The following ASAP1 variants were observed in gnomAD, a reference collection of about 807,000 sequenced individuals.
ASAP1 encodes the protein arf-GAP with SH3 domain, ANK repeat and PH domain-containing protein 1.
A neutral mutation model predicts 145.2 loss-of-function variants in ASAP1; 43 were observed. The ratio of observed to expected loss-of-function variants is 0.30; its 90% CI spans 0.23 to 0.38. The LOEUF (loss-of-function observed/expected upper bound fraction) is 0.38, where lower values mean the gene tolerates loss of function less well. ASAP1 is among the 10% of genes least tolerant of loss of function. ASAP1 has a pLI of 1.00. For synonymous variants in ASAP1, 546 were observed against 515.5 expected (o/e 1.06, Z -0.80); for missense variants, 1,018 against 1,355.3 (o/e 0.75, Z 3.91).
In ASAP1 at chr8:130,241,185, C is replaced by T. The variant is rs186211774; in HGVS notation, c.187-4191G>A. Among the ~76,000 whole-genome samples the T allele has an allele frequency of 1.2e-3, 181 of 152,206 alleles. 2 individuals are homozygous for T. Among genetic ancestry groups the T allele is most frequent in the Non-Finnish European group, 1.3e-4 (9 of 67,984 alleles). On this transcript the variant is annotated intron_variant, in intron 3 of 29. Coordinates refer to ENST00000518721, the MANE Select transcript of ASAP1 (RefSeq NM_018482.4). ...TCCCCAAAGCTCTCTGGATGACTGGCTCTTTCTTCTTACACAAGCCTCGGA... is the reference window on the plus strand; with the variant it reads ...TCCCCAAAGCTCTCTGGATGACTGGTTCTTTCTTCTTACACAAGCCTCGGA...
intron 2 of ASAP1, among the ~76,000 whole-genome samples, chr8:130,398,277 T>C (rs1828624085): frequency 6.6e-6 from 1 of 152,214 alleles, no homozygotes; most frequent in Non-Finnish European, 1.5e-5. Context: ...TTCAAGTCGC[T>C]ATCCCCTACC....
At chr8:130,059,860 T>C (rs373295136) in intron 28 of ASAP1, among the ~76,000 whole-genome samples, 67 of 152,008 alleles carry the variant, frequency 4.4e-4, no homozygotes, top group African/African-American at 1.5e-3. Context: ...GGAGGAGTGC[T>C]TGAGCCCATG....
intron 1 of ASAP1, among the ~76,000 whole-genome samples, chr8:130,420,993 C>A (rs965865237): frequency 4.6e-5 from 7 of 152,128 alleles, no homozygotes; most frequent in African/African-American, 1.7e-4. Flanking sequence ...GAATGGGTAT[C>A]GGGCTCCAAT....
At chr8:130,151,046 C>A (rs2097645192) in intron 13 of ASAP1, among the ~76,000 whole-genome samples, 1 of 151,786 alleles carries the variant, frequency 6.6e-6, no homozygotes, top group South Asian at 2.1e-4. Context: ...ATGCCTACAC[C>A]AGAACATGGC....
At chr8:130,214,748 A>C (rs370157059) in intron 4 of ASAP1, 47 bp from the exon 5 acceptor site, 8 of 1,487,052 alleles carry the variant, frequency 5.4e-6, no homozygotes, top group Non-Finnish European at 6.3e-6. Context: ...ATTATTTGCC[A>C]CAATGAAAAG....
At chr8:130,078,339 G>A (rs974662607) in intron 26 of ASAP1, among the ~76,000 whole-genome samples, 4 of 151,806 alleles carry the variant, frequency 2.6e-5, no homozygotes, top group South Asian at 2.1e-4. Flanking sequence ...CTGTCGCCCC[G>A]GATGGAGTGC....
chr8:130,265,597 A>G (rs555299923), intron 3 of ASAP1, among the ~76,000 whole-genome samples: 55 of 147,002 alleles, frequency 3.7e-4, no homozygotes, highest in African/African-American at 1.4e-3. Context: ...AAAAAAGGTC[A>G]GGTTTGGCAG....
At chr8:130,069,231 T>C (rs1056188748) in intron 27 of ASAP1, among the ~76,000 whole-genome samples, 4 of 152,234 alleles carry the variant, frequency 2.6e-5, no homozygotes, top group Non-Finnish European at 5.9e-5. Flanking sequence ...TTGATACAGT[T>C]AAAACAAAGG....
intron 3 of ASAP1, among the ~76,000 whole-genome samples, chr8:130,240,301 C>A (rs963489098): frequency 6.6e-6 from 1 of 151,994 alleles, no homozygotes; most frequent in East Asian, 1.9e-4. Context: ...CTAGGTGACA[C>A]TTCTTTTTTT....
At chr8:130,337,609 A>G (rs1825115081) in intron 3 of ASAP1, among the ~76,000 whole-genome samples, 1 of 152,260 alleles carries the variant, frequency 6.6e-6, no homozygotes, top group Admixed American at 6.5e-5. Flanking sequence ...ATGGGGGTGA[A>G]GGAAGAGGTT....
chr8:130,250,750 C>G (rs200066208), intron 3 of ASAP1, among the ~76,000 whole-genome samples: 2 of 151,738 alleles, frequency 1.3e-5, no homozygotes, highest in East Asian at 1.9e-4. Flanking sequence ...ATAAAAAAAA[C>G]TGATGGAGTT....
intron 4 of ASAP1, among the ~76,000 whole-genome samples, chr8:130,222,920 T>C (rs1041720907): frequency 6.6e-6 from 1 of 152,124 alleles, no homozygotes; most frequent in Non-Finnish European, 1.5e-5. Flanking sequence ...GTCTTTTAAC[T>C]TTAGCCAGAT....
intron 24 of ASAP1, among the ~76,000 whole-genome samples, chr8:130,093,230 T>A (rs2097509404): frequency 1.3e-5 from 2 of 152,130 alleles, no homozygotes; most frequent in Admixed American, 6.5e-5. Flanking sequence ...GTGTATTTGA[T>A]CTTAGTTTTG....
rs921089593 is a variant in ASAP1, at chr8:130,262,856, C to T, written c.187-25862G>A. On this transcript the variant is annotated intron_variant, in intron 3 of 29. Transcript: ENST00000518721. ...AAAGACAGGATTTCCTTGAATGACGCGCTAATGAAAAATGCAAACCAGTGG... is the reference window on the plus strand; with the variant it reads ...AAAGACAGGATTTCCTTGAATGACGTGCTAATGAAAAATGCAAACCAGTGG... Among the ~76,000 whole-genome samples, 4 of 152,240 alleles carry T rather than the reference C, an allele frequency of 2.6e-5. No homozygotes were observed. In the Middle Eastern group the frequency reaches 0.01, roughly 388 times the overall value.
chr8:130,395,606 G>A (rs1196389100), intron 2 of ASAP1, among the ~76,000 whole-genome samples: 3 of 152,166 alleles, frequency 2.0e-5, no homozygotes, highest in Non-Finnish European at 4.4e-5. Flanking sequence ...AGGTTTCAGA[G>A]GAAGCACGAC....
rs1565149004 is a variant in ASAP1 at position 130,262,442 on chromosome 8, GAGAGAGAGAGAGA to G, written c.187-25461_187-25449del. On this transcript the variant is annotated intron_variant, in intron 3 of 29. Coordinates refer to ENST00000518721, the MANE Select transcript of ASAP1 (RefSeq NM_018482.4). ...AGAGAGAGAGAGAGAGAGAGAGAGA[GAGAGAGAGAGAGA>G]GAACCTGTGGAATTTCAGATAGGTT... Among the ~76,000 whole-genome samples the G allele has an allele frequency of 2.4e-3, 316 of 129,850 alleles. 6 individuals carry two copies. The highest frequency in any genetic ancestry group is 8.2e-3 in the African/African-American group (291 of 35,384). 85.2% of individuals were successfully genotyped at this position (129,850 alleles called of 152,430 possible). A position where few individuals can be genotyped will look rare whatever the true frequency, so the allele number is the denominator to read the frequency against.
chr8:130,255,840 T>C (rs1819478863), intron 3 of ASAP1, among the ~76,000 whole-genome samples: 1 of 152,160 alleles, frequency 6.6e-6, no homozygotes, highest in Non-Finnish European at 1.5e-5. Flanking sequence ...TAACTAATCC[T>C]CTTGCAAATT....
intron 2 of ASAP1, among the ~76,000 whole-genome samples, chr8:130,395,360 A>T (rs1828478337): frequency 6.6e-6 from 1 of 152,230 alleles, no homozygotes; most frequent in Non-Finnish European, 1.5e-5. Flanking sequence ...TTATTTGGAA[A>T]TAGGGTCTTT....
intron 7 of ASAP1, among the ~76,000 whole-genome samples, chr8:130,186,716 A>G (rs1037549864): frequency 2.0e-5 from 3 of 152,172 alleles, no homozygotes; most frequent in Non-Finnish European, 4.4e-5. Flanking sequence ...CTAGCCTTTC[A>G]TGAGCCCCTT....
Sources: gnomAD v4.1 joint callset for allele counts (sites outside exome capture counted in the v4.1 genomes callset) on GRCh38, gnomAD v4.1.1 for gene constraint, MANE v1.5 for transcripts, NCBI Gene and HGNC (gene_info 2026-07-23, HGNC 2026-07-21) for gene names.